The following HERC1 variants were observed in gnomAD, a reference collection of about 807,000 sequenced individuals.
HERC1 encodes HECT and RLD domain containing E3 ubiquitin protein ligase family member 1.
A neutral mutation model predicts 554.3 loss-of-function variants in HERC1; 160 were observed. The observed-to-expected ratio is 0.29, with a 90% CI of 0.25 to 0.33. The LOEUF (loss-of-function observed/expected upper bound fraction) is 0.33. Among genes scored for constraint, HERC1 ranks in the 10% least tolerant of loss-of-function variants. The pLI is 1.00. For missense variants in HERC1, 4,919 were observed against 5,918.5 expected (o/e 0.83, Z 5.54); for synonymous variants, 2,175 against 2,131.7 (o/e 1.02, Z -0.56).
chr15:63,833,360 G>A lies in HERC1; in HGVS notation c.-27+467C>T, dbSNP rs8023359. On this transcript the variant is annotated intron_variant, in intron 1 of 77. Transcript: ENST00000443617. ...CCGCTAAAGGCGGCCGGCGCCTGGG[G>A]ACACCGGGGTCGCGGCACTCCCCGG... Among the ~76,000 whole-genome samples, 386 of 152,260 alleles carry A rather than the reference G, an allele frequency of 2.5e-3. 5 individuals carry two copies. The highest frequency in any genetic ancestry group is 9.0e-3 in the African/African-American group (372 of 41,564).
intron 12 of HERC1, among the ~76,000 whole-genome samples, chr15:63,744,023 T>C (rs946286781): frequency 1.3e-5 from 2 of 152,102 alleles, no homozygotes; most frequent in African/African-American, 4.8e-5. Context: ...AGGTACCACC[T>C]TGATGGTCTT....
intron 46 of HERC1, 32 bp downstream of exon 46, chr15:63,660,941 T>G: frequency 7.5e-7 from 1 of 1,339,152 alleles, no homozygotes; most frequent in South Asian, 1.2e-5. Flanking sequence ...TAAAAAAACA[T>G]GTAAAATAAA....
chr15:63,749,848 T>C lies in HERC1; in HGVS notation c.1903-57A>G. The C allele has an allele frequency of 7.3e-7, 1 of 1,378,048 alleles. No homozygotes were observed. Among genetic ancestry groups the C allele is most frequent in the Non-Finnish European group, 9.7e-7 (1 of 1,032,986 alleles). The allele number at this position is 1,378,048 out of a possible 1,614,324, so 85.4% of individuals were successfully genotyped here. ...TTCCTGAGATGATTAGATTGTTGGC[T>C]TTAGGGATAAATGAAATCTATGAAA... is the stretch of plus-strand genomic sequence containing the variant. On this transcript the variant is annotated intron_variant, in intron 8 of 77. Transcript: ENST00000443617. The surrounding 1 kb of genome is among the most constrained non-coding windows in gnomAD (Gnocchi z 4.1).
chr15:63,637,563 T>A lies in HERC1; in HGVS notation c.12174A>T (p.Arg4058Ser). 2 of 1,561,366 alleles carry A rather than the reference T, an allele frequency of 1.3e-6. No homozygotes were observed. The highest frequency in any genetic ancestry group is 1.7e-6 in the Non-Finnish European group (2 of 1,151,294). The change falls in exon 64 of 78, where the codon AGA becomes AGT. Residue 4058 changes from arginine (R) to serine (S), a missense_variant. Around this residue, in one of 11 missense-constraint regions of HERC1, gnomAD observed 122 missense variants for 195.2 expected, o/e 0.63. Coordinates refer to ENST00000443617, the MANE Select transcript of HERC1 (RefSeq NM_003922.4). ...VLACGEGSYG[R>S]LGQGNSDDLH... The stretch of plus-strand genomic sequence containing the variant: ...GGTCATCTGAATTTCCTTGTCCTAA[T>A]CTGCCATAACTTCCTTCCCCACAAG...
chr15:63,817,373 T>C (rs908335191), intron 1 of HERC1, among the ~76,000 whole-genome samples: 5 of 152,128 alleles, frequency 3.3e-5, no homozygotes, highest in Admixed American at 1.3e-4. Context: ...AAAATCAATA[T>C]TGAAATATCT....
chr15:63,716,733 A>C (rs1244391845), intron 21 of HERC1, among the ~76,000 whole-genome samples: 1 of 152,190 alleles, frequency 6.6e-6, no homozygotes, highest in South Asian at 2.1e-4. Flanking sequence ...ATTCATATCT[A>C]TATTGCTATT....
At position 63,675,103 on chromosome 15, in the gene HERC1, CA is replaced by C; in HGVS notation, c.7084del (p.Trp2362GlyfsTer27). Reference sequence around the variant, plus strand: ...ATACAATGGAGTATCACTAGGCGACCAAAAAGTTGGGAAGCTTTAATAAAGA... The same window carrying C: ...ATACAATGGAGTATCACTAGGCGACCAAAAGTTGGGAAGCTTTAATAAAGA... Reference protein sequence around the residue: ...AEITISFPTFWSPSDTPLYNL... With the variant: ...AEITISFPTFXSPSDTPLYNL... On this transcript the variant is annotated frameshift_variant, in exon 38 of 78. Coordinates refer to ENST00000443617, the MANE Select transcript of HERC1 (RefSeq NM_003922.4). LOFTEE classifies it high-confidence loss of function. 6.3e-7 allele frequency: 1 copy of C among 1,581,778 alleles called. No homozygotes were observed. Among genetic ancestry groups the C allele is most frequent in the East Asian group, 2.3e-5 (1 of 44,332 alleles).
In HERC1 at chr15:63,749,883, G is replaced by A. The variant is rs2075177601; in HGVS notation, c.1903-92C>T. On this transcript the variant is annotated intron_variant, in intron 8 of 77. Coordinates refer to ENST00000443617, the MANE Select transcript of HERC1 (RefSeq NM_003922.4). This position sits in a 1 kb window ranked among gnomAD's most constrained non-coding sequence, Gnocchi z 4.1. ...AATGAAATCTATGAAACTAAAGTGT[G>A]GTTTGATAGTAAATAACTTTCTGAT... The A allele has an allele frequency of 9.7e-7, 1 of 1,030,326 alleles. No individual in the cohort carries two copies. Among genetic ancestry groups the A allele is most frequent in the African/African-American group, 1.7e-5 (1 of 60,602 alleles). The allele number at this position is 1,030,326 out of a possible 1,614,324, so 63.8% of individuals were successfully genotyped here. A position where few individuals can be genotyped will look rare whatever the true frequency, so the allele number is the denominator to read the frequency against.
intron 48 of HERC1, among the ~76,000 whole-genome samples, chr15:63,656,794 A>G (rs923899927): frequency 2.0e-5 from 3 of 152,196 alleles, no homozygotes; most frequent in African/African-American, 7.2e-5. Context: ...TGAACTTTAC[A>G]TCAATTGAAT....
rs748824076 is a variant in HERC1 at position 63,775,318 on chromosome 15, T to C, written c.306A>G (p.Ala102=). 1.2e-6 allele frequency: 2 copies of C among 1,614,034 alleles called. No homozygotes were observed. Among genetic ancestry groups the C allele is most frequent in the Non-Finnish European group, 1.7e-6 (2 of 1,179,888 alleles). The change falls in exon 2 of 78, where the codon GCA becomes GCG. Residue 102 remains alanine (A), a synonymous_variant. Transcript: ENST00000443617. This position sits in a 1 kb window ranked among gnomAD's most constrained non-coding sequence, Gnocchi z 4.0. ...GGAGTACAAGCAGTCGTTTTCTAAG[T>C]GCCCCGGCAAATGGGGAATCTGAAC... ...MVCSDSPFAG[A]LRKRLLVLQR...
intron 68 of HERC1, chr15:63,632,451 G>C (rs1436523549): frequency 2.0e-6 from 1 of 510,230 alleles, no homozygotes; most frequent in Non-Finnish European, 3.5e-6. Context: ...GAAAAGAAGA[G>C]GGGACGGCCC....
chr15:63,638,015 G>A (rs1465267888), intron 63 of HERC1, among the ~76,000 whole-genome samples: 1 of 152,162 alleles, frequency 6.6e-6, no homozygotes, highest in Non-Finnish European at 1.5e-5. Flanking sequence ...GAAAGCAGAG[G>A]CCTCGAGAAG....
At chr15:63,691,521 C>T (rs1324405484) in intron 31 of HERC1, among the ~76,000 whole-genome samples, 2 of 150,700 alleles carry the variant, frequency 1.3e-5, no homozygotes, top group Non-Finnish European at 3.0e-5. Flanking sequence ...AAATAGGATA[C>T]TGATACATAA....
intron 1 of HERC1, among the ~76,000 whole-genome samples, chr15:63,829,499 T>TATATACAC (rs1336272062): frequency 5.6e-5 from 3 of 53,378 alleles, no homozygotes; most frequent in East Asian, 2.2e-4. Flanking sequence ...TATATATATA[T>TATATACAC]ACACACACAC....
intron 37 of HERC1, among the ~76,000 whole-genome samples, chr15:63,676,389 T>C (rs2071209146): frequency 6.6e-6 from 1 of 152,224 alleles, no homozygotes; most frequent in African/African-American, 2.4e-5. Context: ...ATGTATTTTT[T>C]GGCTAAGATG....
intron 33 of HERC1, among the ~76,000 whole-genome samples, chr15:63,689,028 C>A (rs2071948191): frequency 6.6e-6 from 1 of 152,166 alleles, no homozygotes; most frequent in South Asian, 2.1e-4. Flanking sequence ...AGCCAAGGAT[C>A]AAACTCTGTG....
At position 63,713,370 on chromosome 15, in the gene HERC1, C is replaced by T. The variant is rs2073400244; in HGVS notation, c.4446G>A (p.Gly1482=). Residue 1482 remains glycine, a synonymous_variant, in exon 23 of 78, where the codon GGG becomes GGA. Transcript: ENST00000443617. ...AGTCCCACCTGGTCATAAGTCCACC[C>T]CCTTCAGAGGCACTTGTTGAAGGTT... ...LQQPSTSASE[G]GGLMTRSESL... is the part of the protein sequence containing the mutation. The T allele has an allele frequency of 2.5e-6, 4 of 1,613,780 alleles. No homozygotes were observed. The highest frequency in any genetic ancestry group is 3.4e-6 in the Non-Finnish European group (4 of 1,179,762).
chr15:63,690,489 A>G, intron 32 of HERC1, 52 bp downstream of exon 32: 1 of 1,184,222 alleles, frequency 8.4e-7, no homozygotes, highest in South Asian at 1.3e-5. Flanking sequence ...GATTTGGGTG[A>G]ATCATTTTGC....
intron 1 of HERC1, among the ~76,000 whole-genome samples, chr15:63,789,418 A>G (rs1162805495): frequency 6.6e-6 from 1 of 152,084 alleles, no homozygotes; most frequent in East Asian, 1.9e-4. Flanking sequence ...ATTTAAAATT[A>G]TATATCACAA....
Sources: allele counts gnomAD v4.1 joint callset (sites outside exome capture counted in the v4.1 genomes callset), GRCh38; gene constraint gnomAD v4.1.1; regional missense constraint gnomAD v4.1.1; non-coding constraint Gnocchi (gnomAD v3.1); transcripts MANE v1.5; gene names NCBI Gene and HGNC (gene_info 2026-07-23, HGNC 2026-07-21).